DCAF6: variants seen among roughly 807,000 people sequenced by gnomAD.
DCAF6 encodes DDB1- and CUL4-associated factor 6.
Under a neutral mutation model 125.1 loss-of-function variants are expected in DCAF6, and 54 were observed. The observed-to-expected ratio is 0.43, with a 90% CI of 0.35 to 0.54. The LOEUF is 0.54. DCAF6 is among the 20% of genes least tolerant of loss of function. The probability of loss-of-function intolerance (pLI) is 0.01; values close to 1 mark genes in which losing one functional copy is unlikely to be tolerated. For synonymous variants in DCAF6, 371 were observed against 390.4 expected (o/e 0.95, Z 0.58); for missense variants, 934 against 1,161.7 (o/e 0.80, Z 2.85).
intron 10 of DCAF6, among the ~76,000 whole-genome samples, chr1:168,006,510 AGTT>A (rs567497748): frequency 3.5e-4 from 54 of 152,324 alleles, no homozygotes; most frequent in Admixed American, 2.7e-3. Context: ...TTATGACTGT[AGTT>A]GTTCTGATAA....
chr1:168,055,360 T>TTTAAAAA (rs1196183280), intron 17 of DCAF6, among the ~76,000 whole-genome samples: 1 of 46,344 alleles, frequency 2.2e-5, no homozygotes, highest in East Asian at 3.3e-4. Flanking sequence ...TTTTTTTTTT[T>TTTAAAAA]AACGAAGAAG....
At chr1:167,940,697 A>AAAAAAAATAAGTTTATTG in intron 1 of DCAF6, among the ~76,000 whole-genome samples, 1 of 147,646 alleles carries the variant, frequency 6.8e-6, no homozygotes, top group South Asian at 2.1e-4. Flanking sequence ...CATTGTTAAT[A>AAAAAAAATAAGTTTATTG]AAATAAACTT....
the DCAF6 span, among the ~76,000 whole-genome samples, chr1:167,863,789 C>T: frequency 6.6e-6 from 1 of 152,258 alleles, no homozygotes; most frequent in African/African-American, 2.4e-5. Context: ...AACAGAGTGG[C>T]TGAACACCGG....
the DCAF6 span, chr1:167,920,492 A>AAACAAAAATCATTTATGTTCT: frequency 6.4e-7 from 1 of 1,570,582 alleles, no homozygotes; most frequent in Admixed American, 1.8e-5. Context: ...ATATAAAAGA[A>AAACAAAAATCATTTATGTTCT]AACAAAAATC....
At chr1:167,892,034 A>G in the DCAF6 span, among the ~76,000 whole-genome samples, 3 of 16 alleles carry the variant, frequency 0.19, no homozygotes, top group African/African-American at 0.3. Context: ...AGTGCAGTGG[A>G]GCAATCTCGG....
the DCAF6 span, among the ~76,000 whole-genome samples, chr1:167,877,415 A>G: frequency 7.2e-5 from 11 of 151,804 alleles, no homozygotes; most frequent in African/African-American, 2.7e-4. Context: ...AATAATAAAG[A>G]CACCTTGACC....
the DCAF6 span, chr1:167,870,492 C>T: frequency 7.8e-7 from 1 of 1,274,666 alleles, no homozygotes; most frequent in Non-Finnish European, 1.1e-6. Flanking sequence ...TAGAAACCCT[C>T]CTTCTAAAAA....
chr1:167,926,675 T>A, the DCAF6 span, among the ~76,000 whole-genome samples: 1 of 152,206 alleles, frequency 6.6e-6, no homozygotes, highest in African/African-American at 2.4e-5. Flanking sequence ...CCTGGGATGC[T>A]GTTAAACATC....
At chr1:167,963,761 T>G (rs756967884) in intron 2 of DCAF6, among the ~76,000 whole-genome samples, 1 of 119,048 alleles carries the variant, frequency 8.4e-6, no homozygotes, top group Non-Finnish European at 1.8e-5. Flanking sequence ...TTTCATATAG[T>G]TTTTTTTTTC....
Position 167,943,112 on chromosome 1 carries a change from C to T in DCAF6, c.97+6104C>T, listed in dbSNP as rs150437171. Among the ~76,000 whole-genome samples, 853 of 152,166 alleles carry T rather than the reference C, an allele frequency of 5.6e-3. 6 individuals carry two copies. The highest frequency in any genetic ancestry group is 0.019 in the African/African-American group (806 of 41,506). Reference sequence around the variant, plus strand: ...TTTTAGTAGAGATGGGGTTTCACCGCGTTAGCCAGGATGGTCTCGATCTCC... The same window carrying T: ...TTTTAGTAGAGATGGGGTTTCACCGTGTTAGCCAGGATGGTCTCGATCTCC... On this transcript the variant is annotated intron_variant, in intron 1 of 21. Coordinates refer to ENST00000367840, the MANE Select transcript of DCAF6 (RefSeq NM_001198956.2).
At chr1:168,053,556 C>T (rs912603157) in intron 17 of DCAF6, among the ~76,000 whole-genome samples, 3 of 152,180 alleles carry the variant, frequency 2.0e-5, no homozygotes, top group Admixed American at 2.0e-4. Flanking sequence ...AAAGATCAGA[C>T]ACAGTGGAAG....
upstream of DCAF6, among the ~76,000 whole-genome samples, chr1:167,934,871 T>C (rs998917879): frequency 6.6e-6 from 1 of 152,126 alleles, no homozygotes; most frequent in African/African-American, 2.4e-5. Flanking sequence ...ACTCACTTTA[T>C]AGAAGAGGTA....
rs369550095 is a variant in DCAF6, at chr1:168,075,652, C to T, written c.*217C>T. The T allele has an allele frequency of 2.2e-6, 1 of 463,620 alleles. No homozygotes were observed. The highest frequency in any genetic ancestry group is 4.1e-5 in the Admixed American group (1 of 24,566). The allele number at this position is 463,620 out of a possible 1,614,324, so 28.7% of individuals were successfully genotyped here. ...AGCAGAATGTTTTTAAAACTTTTTG[C>T]CGTGTATGAGGAGTGCTAGAAAATG... On this transcript the variant is annotated 3_prime_UTR_variant, in exon 22 of 22. Coordinates refer to ENST00000367840, the MANE Select transcript of DCAF6 (RefSeq NM_001198956.2).
intron 13 of DCAF6, 77 bp from the exon 14 acceptor site, chr1:168,042,948 G>A: frequency 9.3e-7 from 1 of 1,072,288 alleles, no homozygotes; most frequent in Non-Finnish European, 1.4e-6. Context: ...TACCTTTCTA[G>A]TTGTAAAATA....
chr1:168,015,697 T>C (rs993744299), intron 10 of DCAF6, 84 bp from the exon 11 acceptor site: 7 of 1,219,396 alleles, frequency 5.7e-6, no homozygotes, highest in African/African-American at 4.7e-5. Flanking sequence ...TTTATATCCT[T>C]CTTCTTTTTT....
intron 16 of DCAF6, among the ~76,000 whole-genome samples, chr1:168,046,316 C>T (rs1002897019): frequency 2.6e-5 from 4 of 152,064 alleles, no homozygotes; most frequent in African/African-American, 7.2e-5. Context: ...CTGTATTAAA[C>T]AATCAAGATA....
At chr1:167,981,267 G>A (rs544489576) in intron 4 of DCAF6, among the ~76,000 whole-genome samples, 9 of 152,126 alleles carry the variant, frequency 5.9e-5, no homozygotes, top group South Asian at 2.1e-4. Flanking sequence ...TCTTTAATCC[G>A]TTTTGAATTA....
At chr1:167,915,160 A>G in the DCAF6 span, among the ~76,000 whole-genome samples, 1 of 152,100 alleles carries the variant, frequency 6.6e-6, no homozygotes, top group Non-Finnish European at 1.5e-5. Context: ...CTATGATTTT[A>G]TAAGTTAAAA....
chr1:167,984,313 A>ATTTAACCTTCCTAAAT, intron 4 of DCAF6, among the ~76,000 whole-genome samples: 1 of 152,206 alleles, frequency 6.6e-6, no homozygotes, highest in Non-Finnish European at 1.5e-5. Flanking sequence ...TTGTGAGGAA[A>ATTTAACCTTCCTAAAT]GGTTCCTAAA....
Sources: gnomAD v4.1 joint callset for allele counts (sites outside exome capture counted in the v4.1 genomes callset) on GRCh38, gnomAD v4.1.1 for gene constraint, MANE v1.5 for transcripts, NCBI Gene and HGNC (gene_info 2026-07-23, HGNC 2026-07-21) for gene names.